DIAPH3: variants seen among roughly 807,000 people sequenced by gnomAD.
DIAPH3 encodes the protein protein diaphanous homolog 3.
In DIAPH3, 117 loss-of-function variants were observed where a neutral mutation model predicts 144.3. The ratio of observed to expected loss-of-function variants is 0.81; its 90% confidence interval spans 0.70 to 0.95. The LOEUF is 0.95. Ranked by LOEUF, DIAPH3 falls within the 40% of genes least tolerant of loss-of-function variation. The pLI, the probability that DIAPH3 is intolerant of heterozygous loss-of-function variation, is 0.00. For missense variants in DIAPH3, 1,421 were observed against 1,412.7 expected (o/e 1.01, Z -0.09); for synonymous variants, 519 against 488.9 (o/e 1.06, Z -0.81).
At chr13:60,041,951 T>C (rs1319001288) in intron 5 of DIAPH3, among the ~76,000 whole-genome samples, 1 of 152,134 alleles carries the variant, frequency 6.6e-6, no homozygotes, top group Non-Finnish European at 1.5e-5. Flanking sequence ...ACATACATGA[T>C]ATATTTCAGG....
chr13:59,711,714 C>T (rs555080862), intron 27 of DIAPH3, among the ~76,000 whole-genome samples: 9 of 152,080 alleles, frequency 5.9e-5, no homozygotes, highest in Non-Finnish European at 1.3e-4. Flanking sequence ...AATTTTTGGC[C>T]TATGTTCCTA....
Position 59,983,856 on chromosome 13 carries a change from C to T in DIAPH3, c.1393G>A (p.Val465Ile). ...TCTCTATGCAATACAATCTGGGATA[C>T]ACACTCATCAATTAATTTGAAGTAT... is the stretch of plus-strand genomic sequence containing the variant. ...QQYFKLIDECVSQIVLHRDGM... is the reference protein window; with the variant it reads ...QQYFKLIDECISQIVLHRDGM... Residue 465 changes from valine to isoleucine, a missense_variant, in exon 13 of 28, where the codon GTA becomes ATA. Transcript: ENST00000400324. 2 of 1,608,564 alleles carry T rather than the reference C, an allele frequency of 1.2e-6. No individual in the cohort carries two copies. The highest frequency in any genetic ancestry group is 1.1e-5 in the South Asian group (1 of 90,860).
intron 27 of DIAPH3, among the ~76,000 whole-genome samples, chr13:59,697,491 A>AAAAAAAAAAAAAAAAAAAAAAAAAAAG (rs1555274392): frequency 2.6e-5 from 2 of 78,022 alleles, no homozygotes; most frequent in African/African-American, 8.9e-5. Context: ...AAAAAAAAAA[A>AAAAAAAAAAAAAAAAAAAAAAAAAAAG]AAGAAGAGGG....
chr13:59,983,895 C>G lies in DIAPH3; in HGVS notation c.1362-8G>C. The G allele has an allele frequency of 6.5e-7, 1 of 1,537,962 alleles. No homozygotes were observed. Among genetic ancestry groups the G allele is most frequent in the Non-Finnish European group, 9.0e-7 (1 of 1,112,782 alleles). ...AATTTGAAGTATTGTTGCCTAAAAC[C>G]AAAGAAAAGAGTAAATGTACAATTG... On this transcript the variant is annotated splice_region_variant and splice_polypyrimidine_tract_variant and intron_variant, in intron 12 of 27. Transcript: ENST00000400324.
chr13:59,882,803 C>A (rs1593818505), intron 20 of DIAPH3, among the ~76,000 whole-genome samples: 1 of 152,108 alleles, frequency 6.6e-6, no homozygotes. Context: ...TATAAATTCA[C>A]GAAACCCAAA....
chr13:60,094,060 A>G (rs1291501618), intron 3 of DIAPH3, among the ~76,000 whole-genome samples: 1 of 152,190 alleles, frequency 6.6e-6, no homozygotes, highest in Admixed American at 6.5e-5. Context: ...ATTTCAATAT[A>G]TTTATTTATT....
At chr13:60,159,373 C>T (rs1952179017) in intron 1 of DIAPH3, among the ~76,000 whole-genome samples, 1 of 152,158 alleles carries the variant, frequency 6.6e-6, no homozygotes, top group Admixed American at 6.5e-5. Flanking sequence ...CGCCTGTAAT[C>T]CCAGCACTTT....
At chr13:60,088,981 T>G (rs1367458372) in intron 4 of DIAPH3, among the ~76,000 whole-genome samples, 1 of 152,160 alleles carries the variant, frequency 6.6e-6, no homozygotes, top group African/African-American at 2.4e-5. Flanking sequence ...TAAATCTTGT[T>G]CAGAATAGAT....
chr13:59,755,466 T>G (rs927141777), intron 27 of DIAPH3, among the ~76,000 whole-genome samples: 1 of 151,924 alleles, frequency 6.6e-6, no homozygotes, highest in African/African-American at 2.4e-5. Context: ...AGAGAAACGG[T>G]TCATCAAAAA....
intron 17 of DIAPH3, among the ~76,000 whole-genome samples, chr13:59,946,219 G>A (rs1342815889): frequency 6.6e-6 from 1 of 151,798 alleles, no homozygotes; most frequent in African/African-American, 2.4e-5. Context: ...CCACTTTTTT[G>A]TACTTCTGTT....
chr13:60,136,597 A>C (rs2059284234), intron 1 of DIAPH3, among the ~76,000 whole-genome samples: 1 of 152,096 alleles, frequency 6.6e-6, no homozygotes, highest in Non-Finnish European at 1.5e-5. Context: ...AGGTGTTATT[A>C]ATGTTTTATG....
intron 2 of DIAPH3, among the ~76,000 whole-genome samples, chr13:60,119,419 A>C (rs1366566366): frequency 3.3e-5 from 5 of 152,178 alleles, no homozygotes; most frequent in Non-Finnish European, 7.3e-5. Context: ...CAGCTAAGCA[A>C]CTACCAAATT....
chr13:59,802,083 G>C (rs888585648), intron 25 of DIAPH3, among the ~76,000 whole-genome samples: 15 of 151,980 alleles, frequency 9.9e-5, no homozygotes, highest in Non-Finnish European at 1.6e-4. Flanking sequence ...AAAATACAAA[G>C]AAAAGAGAGA....
chr13:59,918,513 G>T (rs2047348022), intron 18 of DIAPH3, among the ~76,000 whole-genome samples: 1 of 152,092 alleles, frequency 6.6e-6, no homozygotes, highest in South Asian at 2.1e-4. Context: ...TGGGCTTCAG[G>T]AACCACCCAG....
intron 19 of DIAPH3, among the ~76,000 whole-genome samples, chr13:59,912,046 T>C (rs2047020604): frequency 6.6e-6 from 1 of 152,142 alleles, no homozygotes; most frequent in Non-Finnish European, 1.5e-5. Context: ...TATTATATAT[T>C]CAAATCAAGC....
intron 17 of DIAPH3, among the ~76,000 whole-genome samples, chr13:59,926,233 C>T (rs2047745350): frequency 6.6e-6 from 1 of 152,174 alleles, no homozygotes; most frequent in African/African-American, 2.4e-5. Flanking sequence ...AGTGATCCTC[C>T]CACCTCAGCC....
At chr13:59,778,060 T>A (rs1030303993) in intron 25 of DIAPH3, among the ~76,000 whole-genome samples, 1 of 152,218 alleles carries the variant, frequency 6.6e-6, no homozygotes, top group African/African-American at 2.4e-5. Flanking sequence ...AGGCAATAAA[T>A]GCTGACAGTT....
At position 60,163,727 on chromosome 13, in the gene DIAPH3, C is replaced by G. The variant is rs887315168; in HGVS notation, c.40G>C (p.Gly14Arg). ...GGGTAGGGAGTCCCAGCGGCTGAGC[C>G]TTGGGCCGGGTGGTGCAGCCGCGGC... is the stretch of plus-strand genomic sequence containing the variant. ...HQPRLHHPAQ[G>R]SAAGTPYPSS... is the part of the protein sequence containing the mutation. The change falls in exon 1 of 28, where the codon GGC becomes CGC. Residue 14 changes from glycine (G) to arginine (R), a missense_variant. Coordinates refer to ENST00000400324, the MANE Select transcript of DIAPH3 (RefSeq NM_001042517.2). The G allele has an allele frequency of 1.9e-5, 30 of 1,607,420 alleles. No homozygotes were observed. Among genetic ancestry groups the G allele is most frequent in the Non-Finnish European group, 2.5e-5 (30 of 1,177,116 alleles).
chr13:60,139,903 CT>C (rs1228639588), intron 1 of DIAPH3, among the ~76,000 whole-genome samples: 1 of 152,190 alleles, frequency 6.6e-6, no homozygotes, highest in African/African-American at 2.4e-5. Flanking sequence ...ATGAAAAACT[CT>C]TTTGCAACAT....
Sources: allele counts gnomAD v4.1 joint callset (sites outside exome capture counted in the v4.1 genomes callset), GRCh38; gene constraint gnomAD v4.1.1; transcripts MANE v1.5; gene names NCBI Gene and HGNC (gene_info 2026-07-23, HGNC 2026-07-21).